The following CNTN5 variants were observed in gnomAD, a reference collection of about 807,000 sequenced individuals.
CNTN5 encodes the protein contactin 5, also known as contactin-5.
CNTN5 carries 77 observed loss-of-function variants against 129.1 expected under a neutral mutation model. The observed-to-expected ratio is 0.60, with a 90% confidence interval of 0.50 to 0.72. The LOEUF is 0.72. Ranked by LOEUF, CNTN5 falls within the 30% of genes least tolerant of loss-of-function variation. CNTN5 has a pLI of 0.00. For missense variants in CNTN5, 1,478 were observed against 1,328.8 expected (o/e 1.11, Z -1.75); for synonymous variants, 509 against 465.6 (o/e 1.09, Z -1.20).
At chr11:99,881,049 A>G (rs1422141843) in intron 6 of CNTN5, among the ~76,000 whole-genome samples, 2 of 152,240 alleles carry the variant, frequency 1.3e-5, no homozygotes, top group East Asian at 1.9e-4. Context: ...AGTTTCAATT[A>G]AAACTGGCAG....
At chr11:100,224,585 A>G in intron 15 of CNTN5, 107 bp from the exon 16 acceptor site, 1 of 1,051,578 alleles carries the variant, frequency 9.5e-7, no homozygotes, top group East Asian at 2.4e-5. Context: ...GATAAACTGT[A>G]AGGCCAAAAA....
At chr11:99,680,244 A>G (rs1385678436) in intron 3 of CNTN5, among the ~76,000 whole-genome samples, 1 of 152,190 alleles carries the variant, frequency 6.6e-6, no homozygotes, top group Non-Finnish European at 1.5e-5. Context: ...TTTTACTAGA[A>G]GAAGATGCCA....
intron 4 of CNTN5, among the ~76,000 whole-genome samples, chr11:99,841,055 A>G (rs904270419): frequency 6.6e-6 from 1 of 152,110 alleles, no homozygotes; most frequent in Non-Finnish European, 1.5e-5. Context: ...AAGATGAAAA[A>G]AGGAAGGGAA....
chr11:100,018,666 A>G (rs1008628260), intron 9 of CNTN5, among the ~76,000 whole-genome samples: 2 of 151,946 alleles, frequency 1.3e-5, no homozygotes, highest in Admixed American at 1.3e-4. Flanking sequence ...AAGCATTGAA[A>G]GTTTTTCTTA....
intron 6 of CNTN5, among the ~76,000 whole-genome samples, chr11:99,880,621 A>C (rs1948747576): frequency 6.6e-6 from 1 of 152,208 alleles, no homozygotes; most frequent in Non-Finnish European, 1.5e-5. Flanking sequence ...TTGAAATTGA[A>C]GGTGTATAAA....
chr11:100,028,651 C>G (rs2137600579), intron 9 of CNTN5, among the ~76,000 whole-genome samples: 1 of 152,296 alleles, frequency 6.6e-6, no homozygotes, highest in South Asian at 2.1e-4. Flanking sequence ...AAACCTCTCT[C>G]TGCTGCCCTT....
At chr11:99,831,675 T>C (rs951533587) in intron 4 of CNTN5, among the ~76,000 whole-genome samples, 29 of 152,176 alleles carry the variant, frequency 1.9e-4, no homozygotes, top group African/African-American at 7.0e-4. Flanking sequence ...GTTCAACCAC[T>C]AAGCTGGTCA....
At chr11:100,203,411 T>C (rs1203679617) in intron 15 of CNTN5, among the ~76,000 whole-genome samples, 1 of 152,026 alleles carries the variant, frequency 6.6e-6, no homozygotes, top group Non-Finnish European at 1.5e-5. Context: ...AGTACAAAGG[T>C]CTCAATCATT....
chr11:100,208,849 G>A (rs73561221), intron 15 of CNTN5, among the ~76,000 whole-genome samples: 4,684 of 152,238 alleles, frequency 0.031, 234 homozygotes, highest in African/African-American at 0.11. Flanking sequence ...GTGACTGCTG[G>A]TGGTCTCAGT....
intron 1 of CNTN5, among the ~76,000 whole-genome samples, chr11:99,316,562 G>T (rs575915821): frequency 1.3e-5 from 2 of 152,022 alleles, no homozygotes; most frequent in Non-Finnish European, 2.9e-5. Flanking sequence ...GTTTTCAGGT[G>T]TATTTTATTT....
intron 1 of CNTN5, among the ~76,000 whole-genome samples, chr11:99,129,587 C>A (rs1858827523): frequency 1.3e-5 from 2 of 152,078 alleles, no homozygotes; most frequent in African/African-American, 4.8e-5. Context: ...GACAGGCCAA[C>A]ATTAAAATTC....
At chr11:100,021,313 A>G (rs997887152) in intron 9 of CNTN5, among the ~76,000 whole-genome samples, 1 of 152,166 alleles carries the variant, frequency 6.6e-6, no homozygotes. Flanking sequence ...CTAGTCTACA[A>G]ATGTCAAATA....
At chr11:99,316,160 G>T (rs903592542) in intron 1 of CNTN5, among the ~76,000 whole-genome samples, 1 of 151,986 alleles carries the variant, frequency 6.6e-6, no homozygotes, top group Non-Finnish European at 1.5e-5. Flanking sequence ...CCAAGGCCAA[G>T]GGCATCATCC....
intron 13 of CNTN5, among the ~76,000 whole-genome samples, chr11:100,117,740 T>C (rs1044933252): frequency 6.6e-6 from 1 of 151,820 alleles, no homozygotes; most frequent in African/African-American, 2.4e-5. Context: ...GGCATTTTTT[T>C]TTTTGTAAAG....
chr11:100,044,039 C>A (rs1017200250), intron 9 of CNTN5, among the ~76,000 whole-genome samples: 5 of 150,564 alleles, frequency 3.3e-5, no homozygotes, highest in Non-Finnish European at 5.9e-5. Flanking sequence ...ACCTTTCTCA[C>A]CCCCTCCCAC....
rs1725010837 is a variant in CNTN5 at position 99,845,245 on chromosome 11, C to T, written c.560C>T (p.Ala187Val). 1 of 1,611,178 alleles carries T rather than the reference C, an allele frequency of 6.2e-7. No individual in the cohort carries two copies. The highest frequency in any genetic ancestry group is 8.5e-7 in the Non-Finnish European group (1 of 1,178,722). Residue 187 changes from alanine to valine, a missense_variant, in exon 6 of 25, where the codon GCT becomes GTT. By Grantham distance (64) the Ala-to-Val change is moderately conservative. Transcript: ENST00000524871. ...NTVGSILSRE[A>V]TLQFAYLGNF... ...GTGGGGAGTATTCTTAGTAGAGAAG[C>T]TACACTGCAGTTTGCCTGTGAGTAA... is the stretch of plus-strand genomic sequence containing the variant.
At chr11:99,129,192 A>G (rs1179667528) in intron 1 of CNTN5, among the ~76,000 whole-genome samples, 1 of 152,184 alleles carries the variant, frequency 6.6e-6, no homozygotes, top group East Asian at 1.9e-4. Flanking sequence ...ATGCAAAGAA[A>G]CTAAGAACCA....
chr11:100,059,351 C>A (rs913560193), intron 9 of CNTN5, among the ~76,000 whole-genome samples: 1 of 151,904 alleles, frequency 6.6e-6, no homozygotes, highest in Non-Finnish European at 1.5e-5. Flanking sequence ...CACAAAAAAT[C>A]GGAAGTCAGG....
intron 4 of CNTN5, 199 bp from the exon 5 acceptor site, chr11:99,844,653 G>A (rs772411499): frequency 1.8e-6 from 1 of 565,634 alleles, no homozygotes; most frequent in African/African-American, 1.9e-5. Context: ...AGCATTTTTA[G>A]TTGATTAAAA....
Sources: gnomAD v4.1 joint callset for allele counts (sites outside exome capture counted in the v4.1 genomes callset) on GRCh38, gnomAD v4.1.1 for gene constraint, MANE v1.5 for transcripts, NCBI Gene and HGNC (gene_info 2026-07-23, HGNC 2026-07-21) for gene names.